Variants in C2CD3 observed in about 807,000 individuals in gnomAD.
The protein encoded by C2CD3 is C2 domain-containing protein 3.
In C2CD3, 148 loss-of-function variants were observed where a neutral mutation model predicts 234.0. The observed-to-expected ratio is 0.63, with a 90% CI of 0.55 to 0.72. The LOEUF (loss-of-function observed/expected upper bound fraction) is 0.72. Among genes scored for constraint, C2CD3 ranks in the 30% least tolerant of loss-of-function variants. The probability of loss-of-function intolerance (pLI) is 0.00; values close to 1 mark genes in which losing one functional copy is unlikely to be tolerated. For missense variants in C2CD3, 2,577 were observed against 2,811.5 expected, an observed-to-expected ratio of 0.92 and a Z score of 1.89; for synonymous variants, 1,000 against 1,035.4, an observed-to-expected ratio of 0.97 and a Z score of 0.66.
intron 21 of C2CD3, 62 bp downstream of exon 21, chr11:74,085,556 G>T: frequency 1.2e-5 from 19 of 1,536,824 alleles, no homozygotes; most frequent in Non-Finnish European, 1.6e-5. Context: ...CCTAGGAAGG[G>T]CTATACTATT....
intron 5 of C2CD3, among the ~76,000 whole-genome samples, chr11:74,135,355 C>G (rs1957825958): frequency 6.6e-6 from 1 of 151,866 alleles, no homozygotes. Flanking sequence ...GGAGCCTCGA[C>G]CTCCCAGGGT....
At chr11:74,037,336 TAA>T (rs370964056) in intron 30 of C2CD3, 140 bp downstream of exon 30, 14,351 of 609,088 alleles carry the variant, frequency 0.024, no homozygotes, top group Middle Eastern at 0.03. Flanking sequence ...GCAAGATGGT[TAA>T]AAAAAAAAAA....
chr11:74,165,187 T>A (rs925908218), intron 2 of C2CD3, among the ~76,000 whole-genome samples: 1 of 152,212 alleles, frequency 6.6e-6, no homozygotes, highest in African/African-American at 2.4e-5. Flanking sequence ...CATTTCCTCT[T>A]CTTTTTTTAT....
At chr11:74,162,401 CA>C (rs1303841990) in intron 2 of C2CD3, among the ~76,000 whole-genome samples, 1 of 152,000 alleles carries the variant, frequency 6.6e-6, no homozygotes, top group African/African-American at 2.4e-5. Context: ...TAAAGATACA[CA>C]AGAGACTGGT....
intron 22 of C2CD3, among the ~76,000 whole-genome samples, chr11:74,079,364 G>A (rs61117474): frequency 0.018 from 2,664 of 151,834 alleles, 80 homozygotes; most frequent in African/African-American, 0.061. Flanking sequence ...ACCACGCCTG[G>A]CCATTTTCCA....
At chr11:74,116,780 G>GTA (rs1348532292) in intron 9 of C2CD3, among the ~76,000 whole-genome samples, 8 of 145,808 alleles carry the variant, frequency 5.5e-5, no homozygotes, top group Non-Finnish European at 9.0e-5. Context: ...ATATATGTGT[G>GTA]TATATATATA....
chr11:74,063,427 A>G (rs1954349158), intron 24 of C2CD3, among the ~76,000 whole-genome samples: 2 of 151,028 alleles, frequency 1.3e-5, no homozygotes, highest in Admixed American at 1.3e-4. Flanking sequence ...AAGCTTATCC[A>G]CCATGATCAA....
chr11:74,082,635 C>G (rs1955439472), intron 22 of C2CD3, among the ~76,000 whole-genome samples: 1 of 152,054 alleles, frequency 6.6e-6, no homozygotes, highest in Non-Finnish European at 1.5e-5. Flanking sequence ...GGGATGAAGC[C>G]AACTTGATCG....
chr11:74,019,820 G>A (rs1371328568), intron 32 of C2CD3, among the ~76,000 whole-genome samples: 1 of 152,156 alleles, frequency 6.6e-6, no homozygotes, highest in Non-Finnish European at 1.5e-5. Flanking sequence ...GGGATTAGAG[G>A]TGCCAGGATA....
In C2CD3 at chr11:74,042,114, C is replaced by T. The variant is rs777286833; in HGVS notation, c.5600G>A (p.Cys1867Tyr). ...LHLQGEAPLP[C>Y]DDKLTTSPLS... ...AGGTGATGTGGTCAGTTTGTCATCA[C>T]ATGGCAAGGGTGCCTCTCCCTGAAG... The change falls in exon 29 of 33, where the codon TGT becomes TAT. Residue 1867 changes from cysteine (C) to tyrosine (Y), a missense_variant. Coordinates refer to ENST00000334126, the MANE Select transcript of C2CD3 (RefSeq NM_001286577.2). 5.6e-6 allele frequency: 9 copies of T among 1,613,534 alleles called. No individual in the cohort carries two copies. The highest frequency in any genetic ancestry group is 7.6e-6 in the Non-Finnish European group (9 of 1,179,984).
chr11:74,052,736 C>T (rs1412918901), intron 26 of C2CD3, among the ~76,000 whole-genome samples: 2 of 152,200 alleles, frequency 1.3e-5, no homozygotes, highest in African/African-American at 4.8e-5. Flanking sequence ...AAAGCAGCAA[C>T]ATAGAACTCA....
chr11:74,155,008 C>T (rs1005754868), intron 3 of C2CD3, among the ~76,000 whole-genome samples: 1 of 152,190 alleles, frequency 6.6e-6, no homozygotes, highest in South Asian at 2.1e-4. Flanking sequence ...TCCAGAGACC[C>T]TGCTTATAGC....
At chr11:74,135,226 A>G (rs985021904) in intron 5 of C2CD3, among the ~76,000 whole-genome samples, 2 of 151,952 alleles carry the variant, frequency 1.3e-5, no homozygotes, top group African/African-American at 4.8e-5. Flanking sequence ...ACACTTGTCT[A>G]GGTATTACCA....
intron 11 of C2CD3, among the ~76,000 whole-genome samples, chr11:74,111,647 T>C (rs11603981): frequency 0.27 from 41,216 of 151,914 alleles, 6,338 homozygotes; most frequent in African/African-American, 0.42. Context: ...GGTGCATTAA[T>C]ACTTGCAGAA....
chr11:74,082,123 ATTT>A (rs34965283), intron 22 of C2CD3, among the ~76,000 whole-genome samples: 2 of 136,804 alleles, frequency 1.5e-5, no homozygotes, highest in Non-Finnish European at 1.6e-5. Flanking sequence ...GGCTGTGGAT[ATTT>A]TTTTTTTTTT....
chr11:74,116,994 G>A (rs1471791723), intron 9 of C2CD3, among the ~76,000 whole-genome samples: 1 of 114,530 alleles, frequency 8.7e-6, no homozygotes, highest in African/African-American at 3.4e-5. Flanking sequence ...ACACATATAC[G>A]TGTATATGTA....
rs148459905 is a variant in C2CD3, at chr11:74,015,255, G to C, written c.6922-1730C>G. 9.6e-3 allele frequency among the ~76,000 whole-genome samples: 1,470 copies of C among 152,340 alleles called. 10 individuals carry two copies. The highest frequency in any genetic ancestry group is 0.017 in the Middle Eastern group (5 of 294). On this transcript the variant is annotated intron_variant, in intron 32 of 32. Coordinates refer to ENST00000334126, the MANE Select transcript of C2CD3 (RefSeq NM_001286577.2). ...GCTAGACCAGTGTGGGTGGGACCAG[G>C]CCAGGGTAACCACAGGTTTAAATTG...
intron 3 of C2CD3, among the ~76,000 whole-genome samples, chr11:74,145,118 T>G (rs1855087027): frequency 1.3e-5 from 2 of 152,194 alleles, no homozygotes; most frequent in African/African-American, 4.8e-5. Context: ...CGTAGTTCTG[T>G]TTTTAGATCT....
chr11:74,108,646 G>C (rs1421700656), intron 12 of C2CD3, among the ~76,000 whole-genome samples: 2 of 152,076 alleles, frequency 1.3e-5, no homozygotes, highest in African/African-American at 4.8e-5. Context: ...ACAATAAAGA[G>C]GTTAAGAACT....
Sources: allele counts gnomAD v4.1 joint callset (sites outside exome capture counted in the v4.1 genomes callset), GRCh38; gene constraint gnomAD v4.1.1; transcripts MANE v1.5; gene names NCBI Gene and HGNC (gene_info 2026-07-23, HGNC 2026-07-21).